MS4A1: variants seen among roughly 807,000 people sequenced by gnomAD.
MS4A1 encodes the protein B-lymphocyte antigen CD20.
A neutral mutation model predicts 26.5 loss-of-function variants in MS4A1; 16 were observed. That is an observed-to-expected ratio of 0.60 (90% CI 0.41 to 0.92). MS4A1 has a LOEUF of 0.92. Among genes scored for constraint, MS4A1 ranks in the 40% least tolerant of loss-of-function variants. The probability of loss-of-function intolerance (pLI) is 0.00; values close to 1 mark genes in which losing one functional copy is unlikely to be tolerated. For synonymous variants in MS4A1, 128 were observed against 117.6 expected, an observed-to-expected ratio of 1.09 and a Z score of -0.57; for missense variants, 350 against 353.0, an observed-to-expected ratio of 0.99 and a Z score of 0.07.
intron 1 of MS4A1, among the ~76,000 whole-genome samples, chr11:60,457,632 A>G (rs1039348184): frequency 6.6e-6 from 1 of 152,198 alleles, no homozygotes; most frequent in Non-Finnish European, 1.5e-5. Flanking sequence ...ATGGAGCTAA[A>G]GTGAAATGTG....
chr11:60,465,827 G>A, intron 5 of MS4A1, 94 bp from the exon 6 acceptor site: 5 of 926,874 alleles, frequency 5.4e-6, no homozygotes, highest in Non-Finnish European at 8.9e-6. Flanking sequence ...TAGTTGCTTT[G>A]TGAGTCAGGG....
At chr11:60,468,139 T>C (rs2086310198) in intron 7 of MS4A1, 111 bp from the exon 8 acceptor site, 2 of 1,026,078 alleles carry the variant, frequency 1.9e-6, no homozygotes, top group African/African-American at 1.6e-5. Flanking sequence ...ATATAATAAA[T>C]GACATAAGTA....
In MS4A1 at chr11:60,466,120, C is replaced by G; in HGVS notation, c.536C>G (p.Ser179Cys). 2 of 1,612,806 alleles carry G rather than the reference C, an allele frequency of 1.2e-6. No individual in the cohort carries two copies. The highest frequency in any genetic ancestry group is 2.2e-5 in the South Asian group (2 of 91,052). ...AATCCCTCTGAGAAAAACTCCCCAT[C>G]TACCCAATACTGTTACAGCATACAA... ...PANPSEKNSP[S>C]TQYCYSIQSL... Residue 179 changes from serine (S) to cysteine (C), a missense_variant, in exon 6 of 8, where the codon TCT becomes TGT. Ser to Cys is a moderately radical substitution (Grantham distance 112). Coordinates refer to ENST00000345732, the MANE Select transcript of MS4A1 (RefSeq NM_152866.3).
intron 1 of MS4A1, 149 bp downstream of exon 1, chr11:60,456,094 C>G (rs985381610): frequency 1.3e-5 from 2 of 152,154 alleles, no homozygotes; most frequent in South Asian, 2.1e-4. Context: ...GGAGGGGTGA[C>G]GATATCAAGG....
intron 1 of MS4A1, among the ~76,000 whole-genome samples, 191 bp from the exon 2 acceptor site, chr11:60,460,881 A>T (rs2086242121): frequency 6.6e-6 from 1 of 151,816 alleles, no homozygotes; most frequent in African/African-American, 2.4e-5. Context: ...TAACTTATTT[A>T]TGTCTTACAT....
At chr11:60,466,250 C>A in intron 6 of MS4A1, 93 bp downstream of exon 6, 1 of 1,024,540 alleles carries the variant, frequency 9.8e-7, no homozygotes, top group Non-Finnish European at 1.5e-6. Context: ...TCCAGACCAC[C>A]TGAGTTTGCT....
chr11:60,462,067 T>C, intron 2 of MS4A1, 118 bp from the exon 3 acceptor site: 1 of 444,742 alleles, frequency 2.2e-6, no homozygotes, highest in Non-Finnish European at 4.2e-6. Context: ...TGCAGTCATA[T>C]ATGCAAGGTG....
At chr11:60,459,487 A>G (rs1234276467) in intron 1 of MS4A1, among the ~76,000 whole-genome samples, 1 of 152,226 alleles carries the variant, frequency 6.6e-6, no homozygotes, top group Admixed American at 6.5e-5. Flanking sequence ...TCTGTTGCTA[A>G]CTGTGAGGTC....
At chr11:60,458,078 C>G (rs12224660) in intron 1 of MS4A1, 1 of 152,272 alleles carries the variant, frequency 6.6e-6, no homozygotes, top group East Asian at 1.9e-4. Context: ...AGCAAGAGAG[C>G]TGGGACTAAC....
In MS4A1 at chr11:60,468,316, G is replaced by T. The variant is rs559555767; in HGVS notation, c.742G>T (p.Gly248Trp). The T allele has an allele frequency of 1.9e-6, 3 of 1,613,848 alleles. No homozygotes were observed. The South Asian group carries it at 3.3e-5, about 18-fold the overall frequency. The change falls in exon 8 of 8, where the codon GGG becomes TGG. Residue 248 changes from glycine to tryptophan, a missense_variant. Gly to Trp is a radical substitution (Grantham distance 184). Coordinates refer to ENST00000345732, the MANE Select transcript of MS4A1 (RefSeq NM_152866.3). ...TATTGAAATAAAAGAAGAAGTGGTT[G>T]GGCTAACTGAAACATCTTCCCAACC... The part of the protein sequence containing the change: ...QTIEIKEEVV[G>W]LTETSSQPKN...
chr11:60,462,609 C>G (rs990691556), intron 3 of MS4A1, 76 bp downstream of exon 3: 6 of 1,572,308 alleles, frequency 3.8e-6, no homozygotes, highest in African/African-American at 1.3e-5. Context: ...AGGCCACATA[C>G]AGAATTCAAT....
At chr11:60,465,165 C>A (rs191347279) in intron 5 of MS4A1, among the ~76,000 whole-genome samples, 256 of 152,248 alleles carry the variant, frequency 1.7e-3, no homozygotes, top group Non-Finnish European at 3.3e-3. Flanking sequence ...GGTCATAGAG[C>A]CAGGAATGAA....
intron 1 of MS4A1, among the ~76,000 whole-genome samples, chr11:60,458,522 C>T (rs1481767525): frequency 2.0e-5 from 3 of 152,180 alleles, no homozygotes; most frequent in East Asian, 3.8e-4. Flanking sequence ...AACATTCATG[C>T]TGATTTGGAC....
intron 5 of MS4A1, 39 bp downstream of exon 5, chr11:60,464,383 A>T: frequency 6.3e-7 from 1 of 1,593,292 alleles, no homozygotes; most frequent in South Asian, 1.1e-5. Flanking sequence ...CATGTCAGAG[A>T]AGTACCTATT....
chr11:60,464,248 C>T (rs768468956), intron 4 of MS4A1, 40 bp from the exon 5 acceptor site: 2 of 1,326,350 alleles, frequency 1.5e-6, no homozygotes, highest in African/African-American at 1.4e-5. Context: ...TCCTGTCTTG[C>T]CCACCCCCTC....
Position 60,468,315 on chromosome 11 carries a change from TG to T in MS4A1, c.744del (p.Leu249Ter). 1.9e-6 allele frequency: 3 copies of T among 1,613,966 alleles called. No homozygotes were observed. Among genetic ancestry groups the T allele is most frequent in the Non-Finnish European group, 2.5e-6 (3 of 1,179,924 alleles). On this transcript the variant is annotated frameshift_variant, in exon 8 of 8. Transcript: ENST00000345732. LOFTEE classifies it high-confidence loss of function. ...QTIEIKEEVV[G>X]LTETSSQPKN... ...CTATTGAAATAAAAGAAGAAGTGGT[TG>T]GGCTAACTGAAACATCTTCCCAACC...
chr11:60,464,483 G>T, intron 5 of MS4A1, 139 bp downstream of exon 5: 1 of 735,002 alleles, frequency 1.4e-6, no homozygotes, highest in Admixed American at 2.2e-5. Flanking sequence ...ATGTTATTGT[G>T]ATTTTATTTA....
intron 2 of MS4A1, among the ~76,000 whole-genome samples, chr11:60,461,826 G>A (rs1251490621): frequency 3.4e-5 from 5 of 149,112 alleles, no homozygotes; most frequent in Admixed American, 3.1e-4. Context: ...GACCTAGAGA[G>A]CCTTCTTGAT....
chr11:60,456,265 T>C (rs1428812248), intron 1 of MS4A1, among the ~76,000 whole-genome samples: 1 of 152,126 alleles, frequency 6.6e-6, no homozygotes, highest in Admixed American at 6.5e-5. Context: ...TAACAAACAA[T>C]ATAACCTTGG....
Sources: gnomAD v4.1 joint callset for allele counts (sites outside exome capture counted in the v4.1 genomes callset) on GRCh38, gnomAD v4.1.1 for gene constraint, MANE v1.5 for transcripts, NCBI Gene and HGNC (gene_info 2026-07-23, HGNC 2026-07-21) for gene names.